Variants in PLCB1 observed in about 807,000 individuals in gnomAD.
The protein encoded by PLCB1 is phospholipase C beta 1.
A neutral mutation model predicts 161.8 loss-of-function variants in PLCB1; 46 were observed. The ratio of observed to expected loss-of-function variants is 0.28; its 90% confidence interval spans 0.22 to 0.36. The LOEUF is 0.36. Ranked by LOEUF, PLCB1 falls within the 10% of genes least tolerant of loss-of-function variation. The pLI, the probability that PLCB1 is intolerant of heterozygous loss-of-function variation, is 1.00. For synonymous variants in PLCB1, 517 were observed against 503.7 expected, an observed-to-expected ratio of 1.03 and a Z score of -0.35; for missense variants, 1,016 against 1,472.5, an observed-to-expected ratio of 0.69 and a Z score of 5.07.
At chr20:8,318,520 C>T (rs558780325) in intron 2 of PLCB1, among the ~76,000 whole-genome samples, 42 of 150,098 alleles carry the variant, frequency 2.8e-4, no homozygotes, top group East Asian at 8.3e-4. Context: ...ATTAGGACAG[C>T]GCTGAGATTG....
At chr20:8,344,731 A>G (rs558065399) in intron 2 of PLCB1, among the ~76,000 whole-genome samples, 85 of 152,220 alleles carry the variant, frequency 5.6e-4, no homozygotes, top group Non-Finnish European at 9.3e-4. Flanking sequence ...GTTGAGCCCA[A>G]TGAAAATCAG....
intron 3 of PLCB1, among the ~76,000 whole-genome samples, chr20:8,438,530 A>C (rs1337042369): frequency 6.6e-6 from 1 of 152,226 alleles, no homozygotes; most frequent in African/African-American, 2.4e-5. Context: ...AAAGGGAAAC[A>C]TATACCATCT....
Position 8,132,669 on chromosome 20 carries a change from C to A in PLCB1, c.18C>A (p.Pro6=), listed in dbSNP as rs745497485. The A allele has an allele frequency of 1.2e-6, 2 of 1,611,850 alleles. No individual in the cohort carries two copies. Among genetic ancestry groups the A allele is most frequent in the Admixed American group, 3.3e-5 (2 of 59,866 alleles). The change falls in exon 1 of 32, where the codon CCC becomes CCA. Residue 6 remains proline (P), a synonymous_variant. Transcript: ENST00000338037. The surrounding 1 kb of genome is among the most constrained non-coding windows in gnomAD (Gnocchi z 5.2). The part of the protein sequence containing the change: MAGAQ[P]GVHALQLKPV... ...GAGCCCAGATGGCCGGGGCTCAACC[C>A]GGAGTGCACGCCTTGCAACTCAAGC... is the stretch of plus-strand genomic sequence containing the variant.
intron 31 of PLCB1, among the ~76,000 whole-genome samples, chr20:8,845,498 C>T (rs1260195688): frequency 1.3e-5 from 2 of 152,142 alleles, no homozygotes; most frequent in Admixed American, 6.5e-5. Context: ...AATTCAGCCC[C>T]GCCTTTGTGC....
chr20:8,390,137 C>A (rs1238740733), intron 3 of PLCB1, among the ~76,000 whole-genome samples: 1 of 152,174 alleles, frequency 6.6e-6, no homozygotes, highest in East Asian at 1.9e-4. Context: ...CAGCAAAGTA[C>A]CACAGGCTAA....
intron 31 of PLCB1, chr20:8,880,995 T>G (rs1052454487): frequency 1.3e-5 from 2 of 155,168 alleles, no homozygotes; most frequent in Admixed American, 1.3e-4. Context: ...GCCTCCCAAG[T>G]AGGTGGGATC....
intron 2 of PLCB1, among the ~76,000 whole-genome samples, chr20:8,244,378 A>G (rs1246456466): frequency 6.6e-6 from 1 of 152,004 alleles, no homozygotes; most frequent in East Asian, 1.9e-4. Context: ...TAGTATATTC[A>G]CAAAATAGAA....
intron 2 of PLCB1, among the ~76,000 whole-genome samples, chr20:8,271,809 A>G (rs377758458): frequency 2.6e-5 from 4 of 152,274 alleles, no homozygotes; most frequent in African/African-American, 2.4e-5. Flanking sequence ...ATCCAATTAC[A>G]TAACAGGGAC....
chr20:8,605,873 G>A (rs1463875776), intron 3 of PLCB1, among the ~76,000 whole-genome samples: 4 of 133,722 alleles, frequency 3.0e-5, no homozygotes, highest in South Asian at 2.3e-4. Flanking sequence ...TTTAGCTCTC[G>A]CTTGTAAGTG....
At chr20:8,595,144 C>T (rs1987290834) in intron 3 of PLCB1, among the ~76,000 whole-genome samples, 1 of 151,462 alleles carries the variant, frequency 6.6e-6, no homozygotes, top group African/African-American at 2.4e-5. Context: ...TACATGTGCA[C>T]ATTGTGCAGG....
At chr20:8,497,416 T>C (rs529868540) in intron 3 of PLCB1, among the ~76,000 whole-genome samples, 1 of 152,324 alleles carries the variant, frequency 6.6e-6, no homozygotes, top group Admixed American at 6.5e-5. Flanking sequence ...ACTCATAAGA[T>C]GATATTTTCA....
chr20:8,537,431 G>A (rs949366260), intron 3 of PLCB1, among the ~76,000 whole-genome samples: 8 of 152,066 alleles, frequency 5.3e-5, no homozygotes, highest in East Asian at 1.9e-4. Flanking sequence ...AGGAAGCTGC[G>A]CATCACCAGT....
In PLCB1 at chr20:8,324,248, G is replaced by A. The variant is rs898599504; in HGVS notation, c.178-47134G>A. On this transcript the variant is annotated intron_variant, in intron 2 of 31. Transcript: ENST00000338037. ...TGTGTGTGTGTGTGTGTGAAACTAC[G>A]TGACAAGGATTATTTACACACCATT... is the stretch of plus-strand genomic sequence containing the variant. Among the ~76,000 whole-genome samples, 8 of 150,646 alleles carry A rather than the reference G, an allele frequency of 5.3e-5. No individual in the cohort carries two copies. The South Asian group carries it at 1.0e-3, about 20-fold the overall frequency.
chr20:8,736,154 G>A (rs1408596012), intron 19 of PLCB1, among the ~76,000 whole-genome samples: 1 of 152,198 alleles, frequency 6.6e-6, no homozygotes, highest in Non-Finnish European at 1.5e-5. Context: ...TGCTCTGTCA[G>A]CACTTGCTTC....
intron 3 of PLCB1, among the ~76,000 whole-genome samples, chr20:8,577,585 T>C (rs1421600492): frequency 6.6e-6 from 1 of 152,142 alleles, no homozygotes; most frequent in Non-Finnish European, 1.5e-5. Flanking sequence ...ACGATATGTG[T>C]CCTAGTTTAG....
At chr20:8,379,726 G>A (rs973437601) in intron 3 of PLCB1, among the ~76,000 whole-genome samples, 1 of 152,052 alleles carries the variant, frequency 6.6e-6, no homozygotes, top group African/African-American at 2.4e-5. Context: ...TTTTTCATAT[G>A]TTTCTTGGCT....
At chr20:8,451,960 A>C (rs2122650302) in intron 3 of PLCB1, among the ~76,000 whole-genome samples, 1 of 152,032 alleles carries the variant, frequency 6.6e-6, no homozygotes, top group South Asian at 2.1e-4. Flanking sequence ...TGAGGAAATT[A>C]TTTTAGTTTT....
intron 27 of PLCB1, among the ~76,000 whole-genome samples, chr20:8,785,909 A>G (rs1983460570): frequency 6.6e-6 from 1 of 152,182 alleles, no homozygotes; most frequent in South Asian, 2.1e-4. Context: ...TGAATTCAAA[A>G]GAGTTGCTGG....
chr20:8,477,286 G>A (rs930013003), intron 3 of PLCB1, among the ~76,000 whole-genome samples: 7 of 152,180 alleles, frequency 4.6e-5, no homozygotes, highest in East Asian at 3.9e-4. Flanking sequence ...TAGAGTTGCC[G>A]CAGCAACTTA....
Sources: allele counts gnomAD v4.1 joint callset (sites outside exome capture counted in the v4.1 genomes callset), GRCh38; gene constraint gnomAD v4.1.1; non-coding constraint Gnocchi (gnomAD v3.1); transcripts MANE v1.5; gene names NCBI Gene and HGNC (gene_info 2026-07-23, HGNC 2026-07-21).